RBFOX1: variants seen among roughly 807,000 people sequenced by gnomAD.
RBFOX1 encodes the protein RNA binding fox-1 homolog 1, also known as RNA binding protein fox-1 homolog 1.
In RBFOX1, 8 loss-of-function variants were observed where a neutral mutation model predicts 57.7. That is an observed-to-expected ratio of 0.14 (90% CI 0.08 to 0.25). RBFOX1 has a LOEUF of 0.25. RBFOX1 is among the 10% of genes least tolerant of loss of function. The probability of loss-of-function intolerance (pLI) is 1.00; values close to 1 mark genes in which losing one functional copy is unlikely to be tolerated. For synonymous variants in RBFOX1, 326 were observed against 222.4 expected, an observed-to-expected ratio of 1.47 and a Z score of -4.15; for missense variants, 611 against 548.5, an observed-to-expected ratio of 1.11 and a Z score of -1.14.
At chr16:6,465,690 C>T (rs988424290) in intron 2 of RBFOX1, among the ~76,000 whole-genome samples, 1 of 147,316 alleles carries the variant, frequency 6.8e-6, no homozygotes, top group Non-Finnish European at 1.5e-5. Context: ...ATATTTGTTT[C>T]TGTATTGCCT....
At chr16:5,564,293 C>T (rs530952025) in intron 2 of RBFOX1, among the ~76,000 whole-genome samples, 7 of 152,110 alleles carry the variant, frequency 4.6e-5, no homozygotes, top group South Asian at 2.1e-4. Flanking sequence ...GCTGGGATTA[C>T]AGGCATGAAC....
At position 5,700,306 on chromosome 16, in the gene RBFOX1, C is replaced by A. The variant is rs534825722; in HGVS notation, c.318+101345C>A. Among the ~76,000 whole-genome samples the A allele has an allele frequency of 8.7e-5, 13 of 150,190 alleles. No homozygotes were observed. In the South Asian group the frequency reaches 2.7e-3, roughly 31 times the overall value. ...CCCACTTTGACAGTTTTTTTTTTGGCAAGGGTTAGTGGGTGGTAATGTGTC... is the reference window on the plus strand; with the variant it reads ...CCCACTTTGACAGTTTTTTTTTTGGAAAGGGTTAGTGGGTGGTAATGTGTC... On this transcript the variant is annotated intron_variant, in intron 3 of 19. Coordinates refer to the RBFOX1 transcript ENST00000641259.
Position 6,512,138 on chromosome 16 carries a change from G to A in RBFOX1, c.-63-142465G>A, listed in dbSNP as rs143073567. Among the ~76,000 whole-genome samples the A allele has an allele frequency of 6.8e-4, 103 of 151,052 alleles. 1 individual carries two copies. The highest frequency in any genetic ancestry group is 1.2e-3 in the African/African-American group (50 of 41,100). ...TAAAATGAAAAAAAAAAAGGAATTC[G>A]CCAGGCATGATGGTGCATGCCTGTG... On this transcript the variant is annotated intron_variant, in intron 2 of 15. Transcript: ENST00000550418.
chr16:7,686,963 T>G (rs748262210), intron 14 of RBFOX1, among the ~76,000 whole-genome samples: 3 of 152,104 alleles, frequency 2.0e-5, no homozygotes, highest in Middle Eastern at 3.2e-3. Context: ...TGGGGAGAGA[T>G]TCACAGACCT....
At chr16:5,440,569 C>T (rs2068053641) in intron 1 of RBFOX1, among the ~76,000 whole-genome samples, 1 of 152,130 alleles carries the variant, frequency 6.6e-6, no homozygotes, top group African/African-American at 2.4e-5. Context: ...TTGGAACTCT[C>T]CATGGCTCTA....
In RBFOX1 at chr16:6,761,500, C is replaced by CTTTTTTTTTTTTTT. The variant is rs869243278; in HGVS notation, c.-16+106862_-16+106875dup. On this transcript the variant is annotated intron_variant, in intron 3 of 15. Transcript: ENST00000550418. ...AATAGTTTTCCTTTCTCCCAATCTCCTTTTTTTTTTTTTTTTTTTTTTTTT... is the reference window on the plus strand; with the variant it reads ...AATAGTTTTCCTTTCTCCCAATCTCCTTTTTTTTTTTTTTTTTTTTTTTTTTTTTTTTTTTTTTT... Among the ~76,000 whole-genome samples the CTTTTTTTTTTTTTT allele has an allele frequency of 5.8e-4, 35 of 60,156 alleles. 9 individuals are homozygous for CTTTTTTTTTTTTTT. Among genetic ancestry groups the CTTTTTTTTTTTTTT allele is most frequent in the Admixed American group, 1.6e-3 (5 of 3,206 alleles). The allele number at this position is 60,156 out of a possible 152,430, so 39.5% of individuals were successfully genotyped here. A position where few individuals can be genotyped will look rare whatever the true frequency, so the allele number is the denominator to read the frequency against.
chr16:6,400,788 A>G (rs773817074), intron 2 of RBFOX1, among the ~76,000 whole-genome samples: 1 of 152,110 alleles, frequency 6.6e-6, no homozygotes, highest in Non-Finnish European at 1.5e-5. Context: ...CCAGCTACTC[A>G]GGAGGCTGAG....
At chr16:5,401,057 A>G (rs1027041303) in intron 1 of RBFOX1, among the ~76,000 whole-genome samples, 1 of 152,116 alleles carries the variant, frequency 6.6e-6, no homozygotes, top group Admixed American at 6.5e-5. Flanking sequence ...GGTTCAAAGG[A>G]GATTTTTTAA....
chr16:6,817,721 C>CA (rs780630415), intron 3 of RBFOX1, among the ~76,000 whole-genome samples: 7 of 151,020 alleles, frequency 4.6e-5, no homozygotes, highest in East Asian at 1.9e-4. Flanking sequence ...AAAAAACAAA[C>CA]AAAAAAAACT....
At chr16:6,776,059 T>A (rs773385503) in intron 3 of RBFOX1, 1 of 152,152 alleles carries the variant, frequency 6.6e-6, no homozygotes, top group Non-Finnish European at 1.5e-5. Flanking sequence ...CATATGTTTT[T>A]AAACATTAGT....
intron 4 of RBFOX1, among the ~76,000 whole-genome samples, chr16:7,165,734 C>G (rs1045778772): frequency 6.6e-6 from 1 of 151,948 alleles, no homozygotes; most frequent in Non-Finnish European, 1.5e-5. Context: ...TAGCTCCTCT[C>G]CTGGAATGAT....
At chr16:6,588,171 C>T (rs886471967) in intron 2 of RBFOX1, among the ~76,000 whole-genome samples, 1 of 151,330 alleles carries the variant, frequency 6.6e-6, no homozygotes, top group Non-Finnish European at 1.5e-5. Context: ...GCAGAGGTTG[C>T]AGTGAGCTGA....
At chr16:6,517,740 G>T (rs1163903991) in intron 2 of RBFOX1, among the ~76,000 whole-genome samples, 1 of 152,080 alleles carries the variant, frequency 6.6e-6, no homozygotes, top group Non-Finnish European at 1.5e-5. Flanking sequence ...TTATCCTCCT[G>T]CACTTTCTGC....
At chr16:6,251,190 A>G (rs148883688) in intron 1 of RBFOX1, among the ~76,000 whole-genome samples, 11 of 152,316 alleles carry the variant, frequency 7.2e-5, no homozygotes, top group African/African-American at 2.6e-4. Flanking sequence ...GGCATTTACT[A>G]TGTGTCAGGT....
intron 1 of RBFOX1, among the ~76,000 whole-genome samples, chr16:6,282,530 C>T (rs777481568): frequency 3.9e-5 from 6 of 151,932 alleles, no homozygotes; most frequent in Admixed American, 2.0e-4. Context: ...AATGCTCTCC[C>T]GCCCATTGCC....
At chr16:5,860,856 G>A (rs1176298204) in intron 3 of RBFOX1, among the ~76,000 whole-genome samples, 3 of 152,156 alleles carry the variant, frequency 2.0e-5, no homozygotes, top group South Asian at 2.1e-4. Context: ...ATCTACTCAC[G>A]CAGCATCTTT....
At chr16:6,207,770 C>G (rs2097264810) in intron 1 of RBFOX1, among the ~76,000 whole-genome samples, 1 of 152,022 alleles carries the variant, frequency 6.6e-6, no homozygotes, top group South Asian at 2.1e-4. Context: ...TAACTGTAGC[C>G]TCAAAGCCCT....
At chr16:5,319,030 G>C (rs969983311) in intron 1 of RBFOX1, among the ~76,000 whole-genome samples, 1 of 152,274 alleles carries the variant, frequency 6.6e-6, no homozygotes, top group South Asian at 2.1e-4. Flanking sequence ...GGGAGGCTGA[G>C]GCAGGAGAAT....
At chr16:5,987,422 C>A (rs1038389728) in intron 4 of RBFOX1, among the ~76,000 whole-genome samples, 4 of 152,146 alleles carry the variant, frequency 2.6e-5, no homozygotes, top group Admixed American at 2.6e-4. Flanking sequence ...AAAAATGGAT[C>A]ATGTTTTGGC....
Sources: allele counts gnomAD v4.1 joint callset (sites outside exome capture counted in the v4.1 genomes callset), GRCh38; gene constraint gnomAD v4.1.1; transcripts MANE v1.5; gene names NCBI Gene and HGNC (gene_info 2026-07-23, HGNC 2026-07-21).